Variants in GDNF observed in about 807,000 individuals in gnomAD.
GDNF encodes the protein glial cell line-derived neurotrophic factor.
GDNF carries 5 observed loss-of-function variants against 13.7 expected under a neutral mutation model. That is an observed-to-expected ratio of 0.36 (90% CI 0.19 to 0.77). The LOEUF (loss-of-function observed/expected upper bound fraction) is 0.77. GDNF is among the 30% of genes least tolerant of loss of function. GDNF has a pLI of 0.51. For synonymous variants in GDNF, 122 were observed against 112.5 expected (o/e 1.08, Z -0.53); for missense variants, 246 against 274.3 (o/e 0.90, Z 0.73).
At chr5:37,835,501 G>A (rs1750673422) in intron 1 of GDNF, 1 of 1,501,532 alleles carries the variant, frequency 6.7e-7, no homozygotes, top group Non-Finnish European at 9.0e-7. Flanking sequence ...GGGATATCTG[G>A]TTTAAGTTAC....
intron 2 of GDNF, among the ~76,000 whole-genome samples, chr5:37,829,264 T>C (rs1239237749): frequency 6.6e-6 from 1 of 152,142 alleles, no homozygotes; most frequent in East Asian, 1.9e-4. Context: ...CCCTTTCCTT[T>C]TCCCTTCCCT....
chr5:37,820,821 T>C (rs1750111145), intron 2 of GDNF, among the ~76,000 whole-genome samples: 1 of 152,190 alleles, frequency 6.6e-6, no homozygotes, highest in Admixed American at 6.5e-5. Flanking sequence ...CTTCCTTTGA[T>C]GGGAAATCTC....
chr5:37,833,949 T>A (rs2111716283), intron 2 of GDNF, among the ~76,000 whole-genome samples: 1 of 152,354 alleles, frequency 6.6e-6, no homozygotes, highest in Admixed American at 6.5e-5. Context: ...ACAGACTTAT[T>A]TTCTAATAAG....
chr5:37,821,245 T>C (rs1750129049), intron 2 of GDNF, among the ~76,000 whole-genome samples: 1 of 152,132 alleles, frequency 6.6e-6, no homozygotes, highest in African/African-American at 2.4e-5. Context: ...CACAGCTGCC[T>C]CCATTTTCCA....
chr5:37,825,550 A>G (rs1581583381), intron 2 of GDNF, among the ~76,000 whole-genome samples: 2 of 152,214 alleles, frequency 1.3e-5, no homozygotes, highest in East Asian at 3.9e-4. Context: ...TAAAAAACTT[A>G]ACAGGGAAGG....
Position 37,837,164 on chromosome 5 carries a change from T to C in GDNF, c.-26-2342A>G, listed in dbSNP as rs963138757. 2.0e-5 allele frequency among the ~76,000 whole-genome samples: 3 copies of C among 152,206 alleles called. No homozygotes were observed. Among genetic ancestry groups the C allele is most frequent in the African/African-American group, 7.2e-5 (3 of 41,464 alleles). On this transcript the variant is annotated intron_variant, in intron 1 of 2. Coordinates refer to ENST00000326524, the MANE Select transcript of GDNF (RefSeq NM_000514.4). The surrounding 1 kb of genome is among the most constrained non-coding windows in gnomAD (Gnocchi z 6.5). ...ACAGCGTCTACTAGGACGTTTTTCTTAGAGTCCGTGTGGGCTCCACCCCTC... is the reference window on the plus strand; with the variant it reads ...ACAGCGTCTACTAGGACGTTTTTCTCAGAGTCCGTGTGGGCTCCACCCCTC...
chr5:37,829,272 C>T (rs891520672), intron 2 of GDNF, among the ~76,000 whole-genome samples: 10 of 152,164 alleles, frequency 6.6e-5, no homozygotes, highest in African/African-American at 2.2e-4. Context: ...TTTTCCCTTC[C>T]CTTCCAAACA....
intron 2 of GDNF, among the ~76,000 whole-genome samples, chr5:37,818,368 T>C (rs751218074): frequency 1.3e-5 from 2 of 152,202 alleles, no homozygotes; most frequent in African/African-American, 2.4e-5. Flanking sequence ...TGAGACCTGA[T>C]TGTTTTATAA....
At chr5:37,817,275 C>A (rs182866530) in intron 2 of GDNF, among the ~76,000 whole-genome samples, 107 of 152,302 alleles carry the variant, frequency 7.0e-4, no homozygotes, top group African/African-American at 2.5e-3. Context: ...ACTAATGGAA[C>A]AATGTAATAA....
chr5:37,813,814 T>G lies in GDNF; in HGVS notation c.*1837A>C, dbSNP rs1749809954. On this transcript the variant is annotated 3_prime_UTR_variant, in exon 3 of 3. Transcript: ENST00000326524. The stretch of plus-strand genomic sequence containing the variant: ...CTGGGTTCAAGAGATCCTCCCACCT[T>G]GGCTTTCCAAAGTGTTGGGATTATG... 6.5e-6 allele frequency: 1 copy of G among 152,842 alleles called. No individual in the cohort carries two copies. The highest frequency in any genetic ancestry group is 6.5e-5 in the Admixed American group (1 of 15,278). 9.5% of individuals were successfully genotyped at this position (152,842 alleles called of 1,614,324 possible).
chr5:37,834,921 C>T, intron 1 of GDNF, 99 bp from the exon 2 acceptor site: 1 of 1,083,306 alleles, frequency 9.2e-7, no homozygotes, highest in Non-Finnish European at 1.3e-6. Context: ...CTCGTCACCG[C>T]CCTCCTCCGG....
chr5:37,828,847 C>T (rs112467374), intron 2 of GDNF, among the ~76,000 whole-genome samples: 9 of 152,330 alleles, frequency 5.9e-5, no homozygotes, highest in African/African-American at 2.2e-4. Flanking sequence ...TATTCACTTA[C>T]TTGGGGCTAA....
intron 2 of GDNF, 146 bp downstream of exon 2, chr5:37,834,500 G>A (rs746245770): frequency 9.9e-6 from 7 of 709,332 alleles, no homozygotes; most frequent in Non-Finnish European, 1.5e-5. Flanking sequence ...GGCACCCCTG[G>A]GGGCTTCAGC....
At chr5:37,831,646 C>T (rs1470417747) in intron 2 of GDNF, among the ~76,000 whole-genome samples, 1 of 152,188 alleles carries the variant, frequency 6.6e-6, no homozygotes, top group Non-Finnish European at 1.5e-5. Flanking sequence ...AGACCTGCCT[C>T]CTGTGATCAT....
At position 37,839,195 on chromosome 5, in the gene GDNF, A is replaced by G. The variant is rs1003792833; in HGVS notation, c.-27+312T>C. ...GAATCGTTCTGTGACTTGACGGAAG[A>G]GCACCTGGCCGAGTCGGGGAAGGAA... On this transcript the variant is annotated intron_variant, in intron 1 of 2. Transcript: ENST00000326524. This position sits in a 1 kb window ranked among gnomAD's most constrained non-coding sequence, Gnocchi z 5.5. 6.6e-6 allele frequency among the ~76,000 whole-genome samples: 1 copy of G among 152,172 alleles called. No homozygotes were observed.
rs11111 is a variant in GDNF, at chr5:37,814,000, T to C, written c.*1651A>G. ...GGGAGCTGTCAGGTGTTTGGGTATATAGGAGCAGCAGCTGTTGACCCCCGG... is the reference window on the plus strand; with the variant it reads ...GGGAGCTGTCAGGTGTTTGGGTATACAGGAGCAGCAGCTGTTGACCCCCGG... On this transcript the variant is annotated 3_prime_UTR_variant, in exon 3 of 3. Transcript: ENST00000326524. 0.22 allele frequency: 33,761 copies of C among 152,664 alleles called. 4,152 individuals are homozygous for C. Among genetic ancestry groups the C allele is most frequent in the African/African-American group, 0.32 (13,308 of 41,426 alleles). The allele number at this position is 152,664 out of a possible 1,614,324, so 9.5% of individuals were successfully genotyped here.
Position 37,837,015 on chromosome 5 carries a change from G to A in GDNF, c.-26-2193C>T, listed in dbSNP as rs1168540851. 1.3e-5 allele frequency among the ~76,000 whole-genome samples: 2 copies of A among 152,154 alleles called. No homozygotes were observed. The highest frequency in any genetic ancestry group is 2.4e-5 in the African/African-American group (1 of 41,436). On this transcript the variant is annotated intron_variant, in intron 1 of 2. Coordinates refer to ENST00000326524, the MANE Select transcript of GDNF (RefSeq NM_000514.4). This position sits in a 1 kb window ranked among gnomAD's most constrained non-coding sequence, Gnocchi z 6.5. ...CCGGATCGAGCTCCCCTCTTCCCCC[G>A]GGACAGGGAGGGCGCATTCTTCCCT...
At chr5:37,828,088 C>T (rs899248471) in intron 2 of GDNF, among the ~76,000 whole-genome samples, 1 of 152,184 alleles carries the variant, frequency 6.6e-6, no homozygotes, top group Non-Finnish European at 1.5e-5. Flanking sequence ...CCCAAGTCTG[C>T]TTACGCATAC....
intron 1 of GDNF, 165 bp from the exon 2 acceptor site, chr5:37,834,987 G>T: frequency 3.2e-6 from 2 of 632,028 alleles, no homozygotes. Context: ...CAAGTCCCCA[G>T]TTCGCTTCTC....
Sources: gnomAD v4.1 joint callset for allele counts (sites outside exome capture counted in the v4.1 genomes callset) on GRCh38, gnomAD v4.1.1 for gene constraint, Gnocchi (gnomAD v3.1) non-coding constraint, MANE v1.5 for transcripts, NCBI Gene and HGNC (gene_info 2026-07-23, HGNC 2026-07-21) for gene names.